Variants in NF2 observed in about 807,000 individuals in gnomAD.
NF2 encodes merlin.
Under a neutral mutation model 83.7 loss-of-function variants are expected in NF2, and 8 were observed. That is an observed-to-expected ratio of 0.10 (90% CI 0.06 to 0.17). The LOEUF is 0.17. Among genes scored for constraint, NF2 ranks in the 10% least tolerant of loss-of-function variants. NF2 has a pLI of 1.00. For missense variants in NF2, 533 were observed against 744.4 expected (o/e 0.72, Z 3.31); for synonymous variants, 266 against 269.6 (o/e 0.99, Z 0.13).
chr22:29,688,283 A>G (rs937181361), intron 15 of NF2, among the ~76,000 whole-genome samples: 4 of 152,028 alleles, frequency 2.6e-5, no homozygotes, highest in African/African-American at 9.7e-5. Flanking sequence ...GCAGTAAAAC[A>G]CCCTGTTCGG....
At chr22:29,646,784 C>G (rs1257075399) in intron 4 of NF2, among the ~76,000 whole-genome samples, 1 of 152,164 alleles carries the variant, frequency 6.6e-6, no homozygotes, top group Non-Finnish European at 1.5e-5. Context: ...TGGCTCACAC[C>G]TGTAATCCTA....
At position 29,636,768 on chromosome 22, in the gene NF2, G is replaced by A. The variant is rs1224221346; in HGVS notation, c.132G>A (p.Lys44=). The change falls in exon 2 of 16, where the codon AAG becomes AAA. Residue 44 remains lysine, a synonymous_variant. Transcript: ENST00000338641. This position sits in a 1 kb window ranked among gnomAD's most constrained non-coding sequence, Gnocchi z 4.4. The part of the protein sequence containing the change: ...EFNCEMKWKG[K]DLFDLVCRTL... ...TATTGCAGATGAAGTGGAAAGGGAAGGACCTCTTTGATTTGGTGTGCCGGA... is the reference window on the plus strand; with the variant it reads ...TATTGCAGATGAAGTGGAAAGGGAAAGACCTCTTTGATTTGGTGTGCCGGA... The A allele has an allele frequency of 6.2e-7, 1 of 1,614,180 alleles. No homozygotes were observed. The highest frequency in any genetic ancestry group is 8.5e-7 in the Non-Finnish European group (1 of 1,180,036).
At chr22:29,686,294 C>A (rs1269965121) in intron 15 of NF2, among the ~76,000 whole-genome samples, 4 of 152,220 alleles carry the variant, frequency 2.6e-5, no homozygotes, top group African/African-American at 9.6e-5. Flanking sequence ...TTGTGCTGGG[C>A]ATATTCATTC....
intron 1 of NF2, chr22:29,609,316 G>T (rs1371180819): frequency 1.5e-6 from 1 of 665,138 alleles, no homozygotes; most frequent in South Asian, 1.4e-5. Context: ...TGAGGATCCA[G>T]TTCCCATCTT....
intron 1 of NF2, among the ~76,000 whole-genome samples, chr22:29,612,921 C>A (rs1233544158): frequency 6.7e-6 from 1 of 149,340 alleles, no homozygotes; most frequent in Non-Finnish European, 1.5e-5. Flanking sequence ...CATGGAGAAA[C>A]CCTGTCTCTA....
In NF2 at chr22:29,681,449, A is replaced by C; in HGVS notation, c.1585A>C (p.Met529Leu). Residue 529 changes from methionine to leucine, a missense_variant, in exon 15 of 16, where the codon ATG becomes CTG. By Grantham distance (15) the Met-to-Leu change is conservative (BLOSUM62 2). This residue lies in a region of NF2 where 199 missense variants were observed against 240.7 expected (regional missense o/e 0.83). Transcript: ENST00000338641. ...MEIEKEKVEYMEKSKHLQEQL... is the reference protein window; with the variant it reads ...MEIEKEKVEYLEKSKHLQEQL... ...CCCTCTTGCCGGCAGAGTGGAATAC[A>C]TGGAAAAGAGCAAGCATCTGCAGGA... 1 of 1,614,124 alleles carries C rather than the reference A, an allele frequency of 6.2e-7. No individual in the cohort carries two copies. Among genetic ancestry groups the C allele is most frequent in the Non-Finnish European group, 8.5e-7 (1 of 1,179,998 alleles).
Position 29,673,427 on chromosome 22 carries a change from G to A in NF2, c.1281G>A (p.Glu427=), listed in dbSNP as rs113715304. The change falls in exon 12 of 16, where the codon GAG becomes GAA. Residue 427 remains glutamate, a synonymous_variant. Coordinates refer to ENST00000338641, the MANE Select transcript of NF2 (RefSeq NM_000268.4). ...CGGAGGAGGAGAAGCGCCTGATGGAGCAGAAGGTGCTGGAAGCCGAGGTGC... is the reference window on the plus strand; with the variant it reads ...CGGAGGAGGAGAAGCGCCTGATGGAACAGAAGGTGCTGGAAGCCGAGGTGC... ...IRTEEEKRLM[E]QKVLEAEVLA... is the part of the protein sequence containing the mutation. 2 of 1,612,732 alleles carry A rather than the reference G, an allele frequency of 1.2e-6. No individual in the cohort carries two copies. Among genetic ancestry groups the A allele is most frequent in the East Asian group, 2.2e-5 (1 of 44,838 alleles).
chr22:29,648,410 T>C (rs998583250), intron 4 of NF2, among the ~76,000 whole-genome samples: 7 of 152,140 alleles, frequency 4.6e-5, no homozygotes, highest in African/African-American at 1.7e-4. Flanking sequence ...ACCCATAAGA[T>C]TGGCAGGGAT....
chr22:29,662,100 C>T (rs2147018298), intron 8 of NF2, among the ~76,000 whole-genome samples: 1 of 152,282 alleles, frequency 6.6e-6, no homozygotes, highest in East Asian at 1.9e-4. Flanking sequence ...TTCATTCACT[C>T]ATCCATTCAT....
chr22:29,638,599 G>A (rs545845526), intron 2 of NF2, among the ~76,000 whole-genome samples: 2 of 152,216 alleles, frequency 1.3e-5, no homozygotes, highest in South Asian at 2.1e-4. Context: ...TGATCCACCC[G>A]CTGTGGCCTC....
At position 29,661,216 on chromosome 22, in the gene NF2, C is replaced by T. The variant is rs1339795250; in HGVS notation, c.687C>T (p.Gly229=). 2.5e-6 allele frequency: 4 copies of T among 1,614,240 alleles called. No homozygotes were observed. Among genetic ancestry groups the T allele is most frequent in the Non-Finnish European group, 3.4e-6 (4 of 1,180,046 alleles). Residue 229 remains glycine, a synonymous_variant, in exon 8 of 16, where the codon GGC becomes GGT. Transcript: ENST00000338641. ...VNYFAIRNKK[G]TELLLGVDAL... ...TATTGGATCCACAGAATAAAAAGGG[C>T]ACAGAGCTGCTGCTTGGAGTGGATG...
At chr22:29,692,132 C>T (rs1024239157) in intron 15 of NF2, among the ~76,000 whole-genome samples, 5 of 152,288 alleles carry the variant, frequency 3.3e-5, no homozygotes, top group African/African-American at 1.2e-4. Flanking sequence ...GGCCCTCGGG[C>T]AGCAGCCCTT....
intron 1 of NF2, among the ~76,000 whole-genome samples, chr22:29,614,047 G>A (rs943472077): frequency 1.3e-5 from 2 of 150,636 alleles, no homozygotes; most frequent in East Asian, 4.0e-4. Context: ...GTGAGCCACC[G>A]CACCCGGCCG....
At chr22:29,622,678 CAG>C (rs1377969802) in intron 1 of NF2, among the ~76,000 whole-genome samples, 7 of 95,466 alleles carry the variant, frequency 7.3e-5, no homozygotes, top group African/African-American at 2.5e-4. Flanking sequence ...TTTTTTGAGA[CAG>C]AGACTCGCTC....
chr22:29,687,286 C>T (rs1325631374), intron 15 of NF2, among the ~76,000 whole-genome samples: 1 of 152,170 alleles, frequency 6.6e-6, no homozygotes, highest in Non-Finnish European at 1.5e-5. Flanking sequence ...CAAGGTCCAG[C>T]TGTGGTTTCC....
Position 29,696,836 on chromosome 22 carries a change from AGATGGAG to A in NF2, c.*2035_*2041del, listed in dbSNP as rs2067565853. On this transcript the variant is annotated 3_prime_UTR_variant, in exon 16 of 16. Coordinates refer to ENST00000338641, the MANE Select transcript of NF2 (RefSeq NM_000268.4). ...TGTTTCTGTTTCTGTTTTTTTTTTG[AGATGGAG>A]TCTCGCTCTGTCGCCCAGGCTGGAG... 2.1e-5 allele frequency: 2 copies of A among 95,836 alleles called. No individual in the cohort carries two copies. Among genetic ancestry groups the A allele is most frequent in the African/African-American group, 1.0e-4 (2 of 19,090 alleles). The allele number at this position is 95,836 out of a possible 1,614,324, so 5.9% of individuals were successfully genotyped here.
At chr22:29,666,849 G>A (rs2147043755) in intron 9 of NF2, among the ~76,000 whole-genome samples, 1 of 152,076 alleles carries the variant, frequency 6.6e-6, no homozygotes, top group Non-Finnish European at 1.5e-5. Context: ...GGTGGCGCAT[G>A]CCTATAAATC....
intron 12 of NF2, 27 bp downstream of exon 12, chr22:29,673,513 G>A (rs1239462046): frequency 1.9e-6 from 3 of 1,592,674 alleles, no homozygotes; most frequent in South Asian, 1.1e-5. Flanking sequence ...CACCAGACTG[G>A]CGAGGAGGCT....
Position 29,678,238 on chromosome 22 carries a change from A to G in NF2, c.1489A>G (p.Ser497Gly), listed in dbSNP as rs1379773294. The change falls in exon 14 of 16, where the codon AGC becomes GGC. Residue 497 changes from serine to glycine, a missense_variant. Physicochemically the swap from Ser to Gly is moderately conservative, Grantham distance 56 (BLOSUM62 0). Around this residue, in one of 3 missense-constraint regions of NF2, gnomAD observed 199 missense variants for 240.7 expected, o/e 0.83. Coordinates refer to ENST00000338641, the MANE Select transcript of NF2 (RefSeq NM_000268.4). ...AGCACCGTTGCCTCCTGACATACCAAGCTTCAACCTCATTGGTGACAGCCT... is the reference window on the plus strand; with the variant it reads ...AGCACCGTTGCCTCCTGACATACCAGGCTTCAACCTCATTGGTGACAGCCT... ...IPAPLPPDIP[S>G]FNLIGDSLSF... 1 of 1,614,172 alleles carries G rather than the reference A, an allele frequency of 6.2e-7. No homozygotes were observed.
Sources: gnomAD v4.1 joint callset for allele counts (sites outside exome capture counted in the v4.1 genomes callset) on GRCh38, gnomAD v4.1.1 for gene constraint, gnomAD v4.1.1 regional missense constraint, Gnocchi (gnomAD v3.1) non-coding constraint, MANE v1.5 for transcripts, NCBI Gene and HGNC (gene_info 2026-07-23, HGNC 2026-07-21) for gene names.